Variants in BDP1 observed in about 807,000 individuals in gnomAD.
The protein encoded by BDP1 is BDP1 general transcription factor IIIB subunit.
A neutral mutation model predicts 266.6 loss-of-function variants in BDP1; 169 were observed. That is an observed-to-expected ratio of 0.63 (90% CI 0.56 to 0.72). BDP1 has a LOEUF of 0.72. Among genes scored for constraint, BDP1 ranks in the 30% least tolerant of loss-of-function variants. BDP1 has a pLI of 0.00. For synonymous variants in BDP1, 1,090 were observed against 1,022.4 expected (o/e 1.07, Z -1.26); for missense variants, 3,015 against 3,053.8 (o/e 0.99, Z 0.30).
intron 7 of BDP1, among the ~76,000 whole-genome samples, chr5:71,478,999 T>G (rs954927148): frequency 2.0e-5 from 3 of 152,202 alleles, no homozygotes; most frequent in Non-Finnish European, 4.4e-5. Flanking sequence ...TTTCTGATAC[T>G]GTATTTCTTA....
chr5:71,536,286 A>C (rs1766592285), intron 26 of BDP1, among the ~76,000 whole-genome samples: 1 of 152,232 alleles, frequency 6.6e-6, no homozygotes, highest in Admixed American at 6.5e-5. Flanking sequence ...TTTCCAGCTT[A>C]AAATTTGGAG....
chr5:71,537,337 A>G (rs758450501), intron 26 of BDP1, among the ~76,000 whole-genome samples: 2 of 152,132 alleles, frequency 1.3e-5, no homozygotes, highest in Non-Finnish European at 2.9e-5. Context: ...TTCTGGTTGT[A>G]CCAAAAAATA....
At chr5:71,456,188 C>A in intron 1 of BDP1, 99 bp downstream of exon 1, 1 of 1,168,270 alleles carries the variant, frequency 8.6e-7, no homozygotes, top group South Asian at 1.5e-5. Context: ...AGTCCGCTCT[C>A]GTTTGCAGTA....
chr5:71,562,667 C>A, intron 38 of BDP1, 147 bp downstream of exon 38: 1 of 1,481,984 alleles, frequency 6.7e-7, no homozygotes, highest in Non-Finnish European at 9.1e-7. Flanking sequence ...TCGTGTTCCT[C>A]CATAATGGAA....
In BDP1 at chr5:71,486,299, A is replaced by AACT. The variant is rs543284848; in HGVS notation, c.1070-183_1070-181dup. Among the ~76,000 whole-genome samples the AACT allele has an allele frequency of 3.2e-3, 481 of 152,222 alleles. 4 individuals carry two copies. Among genetic ancestry groups the AACT allele is most frequent in the Middle Eastern group, 0.01 (3 of 294 alleles). ...CGTTGCTGAGTGGTGTTCTGATGTGAACTAATCTATTTCCCTGCTAAGACC... is the reference window on the plus strand; with the variant it reads ...CGTTGCTGAGTGGTGTTCTGATGTGAACTACTAATCTATTTCCCTGCTAAGACC... On this transcript the variant is annotated intron_variant, in intron 8 of 38. Coordinates refer to ENST00000358731, the MANE Select transcript of BDP1 (RefSeq NM_018429.3).
chr5:71,564,716 A>G, intron 38 of BDP1, 38 bp from the exon 39 acceptor site: 3 of 1,523,216 alleles, frequency 2.0e-6, no homozygotes, highest in Non-Finnish European at 2.7e-6. Context: ...ATGTTGTATT[A>G]CAGTTTTATT....
At chr5:71,487,326 C>A (rs775051179) in intron 9 of BDP1, among the ~76,000 whole-genome samples, 1 of 152,022 alleles carries the variant, frequency 6.6e-6, no homozygotes, top group Non-Finnish European at 1.5e-5. Context: ...ACTGCAAGCT[C>A]CGCCTTCCGG....
chr5:71,563,724 C>T (rs1743840135), intron 38 of BDP1, among the ~76,000 whole-genome samples: 1 of 152,154 alleles, frequency 6.6e-6, no homozygotes, highest in Non-Finnish European at 1.5e-5. Flanking sequence ...ACCAGCCTGG[C>T]CAACATGGCA....
chr5:71,530,645 A>C (rs1013864221), intron 25 of BDP1, among the ~76,000 whole-genome samples: 1 of 152,120 alleles, frequency 6.6e-6, no homozygotes, highest in African/African-American at 2.4e-5. Flanking sequence ...TCAGCCTCCG[A>C]GTAGCTAGAA....
At chr5:71,499,870 G>A (rs149311403) in intron 13 of BDP1, among the ~76,000 whole-genome samples, 167 of 152,272 alleles carry the variant, frequency 1.1e-3, no homozygotes, top group Non-Finnish European at 1.5e-3. Flanking sequence ...CTAGAGACGG[G>A]TGGGATCGTT....
At position 71,513,198 on chromosome 5, in the gene BDP1, C is replaced by T. The variant is rs766693839; in HGVS notation, c.4261C>T (p.Gln1421Ter). The part of the protein sequence containing the change: ...SDINLSKSLP[Q>*]EQKPLEIKPA... The stretch of plus-strand genomic sequence containing the variant: ...TTGTTCCAAAAGCAAATCTCTTCCT[C>T]AAGAACAGAAGCCACTTGAAATTAA... Residue 1421 changes from glutamine to a stop codon, truncating the protein, a stop_gained, in exon 19 of 39, where the codon CAA becomes TAA. Coordinates refer to ENST00000358731, the MANE Select transcript of BDP1 (RefSeq NM_018429.3). LOFTEE classifies it high-confidence loss of function. 1 of 1,611,554 alleles carries T rather than the reference C, an allele frequency of 6.2e-7. No homozygotes were observed.
chr5:71,500,347 T>G, intron 13 of BDP1, among the ~76,000 whole-genome samples: 2 of 136,572 alleles, frequency 1.5e-5, no homozygotes, highest in African/African-American at 2.7e-5. Context: ...TTTTTTGAGG[T>G]TTAGTTTCAC....
chr5:71,509,105 G>A (rs1447552704), intron 16 of BDP1, among the ~76,000 whole-genome samples: 1 of 152,140 alleles, frequency 6.6e-6, no homozygotes, highest in Non-Finnish European at 1.5e-5. Context: ...GGATGAAGAG[G>A]TAGAAATAGC....
chr5:71,560,308 T>G, intron 37 of BDP1, 71 bp downstream of exon 37: 3 of 1,463,954 alleles, frequency 2.0e-6, no homozygotes, highest in Non-Finnish European at 2.8e-6. Context: ...CAGAACAGAT[T>G]AGATCCAGTA....
At chr5:71,561,724 C>G (rs1253077255) in intron 37 of BDP1, among the ~76,000 whole-genome samples, 1 of 152,198 alleles carries the variant, frequency 6.6e-6, no homozygotes, top group Non-Finnish European at 1.5e-5. Flanking sequence ...GAGTGTAGTC[C>G]TGACAACAGC....
chr5:71,520,979 G>A (rs868672042), intron 22 of BDP1, among the ~76,000 whole-genome samples: 1 of 151,788 alleles, frequency 6.6e-6, no homozygotes, highest in East Asian at 2.0e-4. Flanking sequence ...ACCTGAGTTC[G>A]GGAGTTTGAG....
intron 7 of BDP1, among the ~76,000 whole-genome samples, chr5:71,480,195 C>T (rs1444879720): frequency 2.0e-5 from 3 of 151,314 alleles, no homozygotes; most frequent in Non-Finnish European, 2.9e-5. Flanking sequence ...ACTGCAACCT[C>T]TGTCTCCTGG....
In BDP1 at chr5:71,512,407, A is replaced by G. The variant is rs767224938; in HGVS notation, c.4226A>G (p.Gln1409Arg). ...ATTCAATCTCCAGATGTTCCAGAGC[A>G]GTTTTCAGATATTAATTTAAGGTAC... ...QGIQSPDVPE[Q>R]FSDINLSKSL... The change falls in exon 18 of 39, where the codon CAG becomes CGG. Residue 1409 changes from glutamine (Q) to arginine (R), a missense_variant. By Grantham distance (43) the Gln-to-Arg change is conservative (BLOSUM62 1). Coordinates refer to ENST00000358731, the MANE Select transcript of BDP1 (RefSeq NM_018429.3). 8 of 1,559,812 alleles carry G rather than the reference A, an allele frequency of 5.1e-6. No individual in the cohort carries two copies. The East Asian group carries it at 1.6e-4, about 31-fold the overall frequency.
At chr5:71,544,315 GTAT>G in intron 30 of BDP1, 39 bp from the exon 31 acceptor site, 1 of 1,566,376 alleles carries the variant, frequency 6.4e-7, no homozygotes, top group Non-Finnish European at 8.7e-7. Context: ...GATTTTAGCT[GTAT>G]TATTTTGGTC....
Sources: allele counts gnomAD v4.1 joint callset (sites outside exome capture counted in the v4.1 genomes callset), GRCh38; gene constraint gnomAD v4.1.1; transcripts MANE v1.5; gene names NCBI Gene and HGNC (gene_info 2026-07-23, HGNC 2026-07-21).